Variants in ATXN1 observed in about 807,000 individuals in gnomAD.
The protein encoded by ATXN1 is ataxin-1.
A neutral mutation model predicts 56.4 loss-of-function variants in ATXN1; 8 were observed. The observed-to-expected ratio is 0.14, with a 90% confidence interval of 0.08 to 0.26. The LOEUF (loss-of-function observed/expected upper bound fraction) is 0.26. ATXN1 is among the 10% of genes least tolerant of loss of function. The pLI, the probability that ATXN1 is intolerant of heterozygous loss-of-function variation, is 1.00. For synonymous variants in ATXN1, 514 were observed against 494.6 expected, an observed-to-expected ratio of 1.04 and a Z score of -0.52; for missense variants, 987 against 1,106.5, an observed-to-expected ratio of 0.89 and a Z score of 1.53.
At chr6:16,489,253 T>A (rs1760610203) in intron 5 of ATXN1, among the ~76,000 whole-genome samples, 1 of 152,128 alleles carries the variant, frequency 6.6e-6, no homozygotes, top group Non-Finnish European at 1.5e-5. Flanking sequence ...AAATGATCCA[T>A]ATCCAAAACC....
chr6:16,713,929 G>T (rs768483270), intron 2 of ATXN1, among the ~76,000 whole-genome samples: 1 of 152,116 alleles, frequency 6.6e-6, no homozygotes, highest in African/African-American at 2.4e-5. Flanking sequence ...AGGCCAAAGC[G>T]GGTGGATCAC....
chr6:16,711,599 A>AACC (rs1554127671), intron 2 of ATXN1, among the ~76,000 whole-genome samples: 2 of 150,516 alleles, frequency 1.3e-5, no homozygotes, highest in South Asian at 2.1e-4. Context: ...AAAAAAAAAA[A>AACC]CCATCTATAT....
chr6:16,355,227 C>G (rs1001088073), intron 6 of ATXN1, among the ~76,000 whole-genome samples: 1 of 152,206 alleles, frequency 6.6e-6, no homozygotes, highest in Non-Finnish European at 1.5e-5. Context: ...CTTGGATGCC[C>G]ACAGATGCCG....
In ATXN1 at chr6:16,711,963, C is replaced by T. The variant is rs566962640; in HGVS notation, c.-615+41270G>A. 4.1e-5 allele frequency among the ~76,000 whole-genome samples: 4 copies of T among 96,690 alleles called. No homozygotes were observed. In the East Asian group the frequency reaches 1.5e-3, roughly 36 times the overall value. 63.4% of individuals were successfully genotyped at this position (96,690 alleles called of 152,430 possible). A position where few individuals can be genotyped will look rare whatever the true frequency, so the allele number is the denominator to read the frequency against. ...TATGCTGAACAAAAGAAAGCAGATA[C>T]GAAAAAGTACTGACTGATTCCATTT... On this transcript the variant is annotated intron_variant, in intron 2 of 7. Coordinates refer to ENST00000436367, the MANE Select transcript of ATXN1 (RefSeq NM_001128164.2).
At chr6:16,676,526 C>T (rs1037680740) in intron 2 of ATXN1, among the ~76,000 whole-genome samples, 2 of 152,040 alleles carry the variant, frequency 1.3e-5, no homozygotes, top group African/African-American at 4.8e-5. Flanking sequence ...TGTGCTAGGC[C>T]CTGAGGATAC....
At chr6:16,612,829 T>A (rs938133068) in intron 3 of ATXN1, among the ~76,000 whole-genome samples, 5 of 150,098 alleles carry the variant, frequency 3.3e-5, no homozygotes, top group Non-Finnish European at 7.4e-5. Context: ...AGGTGGAGGT[T>A]GCAGTGAGCC....
chr6:16,550,675 C>T (rs1253281944), intron 4 of ATXN1, among the ~76,000 whole-genome samples: 1 of 152,170 alleles, frequency 6.6e-6, no homozygotes, highest in Non-Finnish European at 1.5e-5. Context: ...CATGGACACA[C>T]AGCTAATAAA....
In ATXN1 at chr6:16,306,441, C is replaced by G. The variant is rs145990781; in HGVS notation, c.2336G>C (p.Ser779Thr). ...TRKRRWSAPE[S>T]RKLEKSEDEP... ...GTCTTCTGACTTCTCCAGTTTGCGG[C>G]TCTCTGGCGCCGACCACCTCCTCTT... The change falls in exon 8 of 8, where the codon AGC becomes ACC. Residue 779 changes from serine to threonine, a missense_variant. Transcript: ENST00000436367. The surrounding 1 kb of genome is among the most constrained non-coding windows in gnomAD (Gnocchi z 5.2). 4.2e-5 allele frequency: 67 copies of G among 1,614,174 alleles called. No homozygotes were observed. Among genetic ancestry groups the G allele is most frequent in the Non-Finnish European group, 5.2e-5 (61 of 1,180,038 alleles).
chr6:16,464,101 G>A (rs984983598), intron 6 of ATXN1, among the ~76,000 whole-genome samples: 3 of 152,164 alleles, frequency 2.0e-5, no homozygotes, highest in Non-Finnish European at 2.9e-5. Flanking sequence ...GTTTAGAGGG[G>A]GGATTGAGAG....
chr6:16,664,862 C>A (rs1281424980), intron 2 of ATXN1, among the ~76,000 whole-genome samples: 2 of 151,772 alleles, frequency 1.3e-5, no homozygotes, highest in African/African-American at 4.8e-5. Flanking sequence ...ATATTAGAAG[C>A]AAAATTGAGA....
intron 2 of ATXN1, among the ~76,000 whole-genome samples, chr6:16,678,683 T>G (rs1758735971): frequency 6.6e-6 from 1 of 152,144 alleles, no homozygotes; most frequent in Non-Finnish European, 1.5e-5. Context: ...CATATTAATT[T>G]CACCAAAAAA....
At chr6:16,387,625 C>T (rs2113516070) in intron 6 of ATXN1, among the ~76,000 whole-genome samples, 2 of 152,288 alleles carry the variant, frequency 1.3e-5, no homozygotes, top group Middle Eastern at 6.8e-3. Flanking sequence ...GTTGTGTTGT[C>T]ATGAGCGGGA....
intron 2 of ATXN1, among the ~76,000 whole-genome samples, chr6:16,701,783 T>A (rs934121723): frequency 6.6e-6 from 1 of 152,156 alleles, no homozygotes; most frequent in Non-Finnish European, 1.5e-5. Context: ...ACAAGGGATG[T>A]GAAGAACCCC....
chr6:16,498,384 G>A (rs529684431), intron 5 of ATXN1, among the ~76,000 whole-genome samples: 11 of 152,130 alleles, frequency 7.2e-5, no homozygotes, highest in South Asian at 2.1e-4. Flanking sequence ...TTATTTATTC[G>A]TCAGTTGATG....
At chr6:16,709,241 A>G (rs1260681379) in intron 2 of ATXN1, among the ~76,000 whole-genome samples, 1 of 152,318 alleles carries the variant, frequency 6.6e-6, no homozygotes, top group East Asian at 1.9e-4. Flanking sequence ...GGATATCACT[A>G]TAAATCCTAC....
At chr6:16,469,184 C>T (rs942039405) in intron 6 of ATXN1, among the ~76,000 whole-genome samples, 1 of 152,164 alleles carries the variant, frequency 6.6e-6, no homozygotes. Context: ...TGAAAGTTGT[C>T]TGTGACATTC....
intron 6 of ATXN1, among the ~76,000 whole-genome samples, chr6:16,430,256 C>A (rs1460348791): frequency 6.6e-6 from 1 of 151,448 alleles, no homozygotes; most frequent in African/African-American, 2.4e-5. Flanking sequence ...ATTTGGTCTT[C>A]CAGCAACTAT....
At chr6:16,404,698 G>A (rs1019584339) in intron 6 of ATXN1, among the ~76,000 whole-genome samples, 3 of 131,932 alleles carry the variant, frequency 2.3e-5, no homozygotes, top group East Asian at 2.1e-4. Flanking sequence ...GCGCACTCGC[G>A]CGCGCGCACA....
intron 2 of ATXN1, among the ~76,000 whole-genome samples, chr6:16,676,348 A>G (rs1031249314): frequency 1.3e-5 from 2 of 152,234 alleles, no homozygotes; most frequent in African/African-American, 4.8e-5. Context: ...ACTGAAGTAT[A>G]TAACACAGTT....
Sources: allele counts gnomAD v4.1 joint callset (sites outside exome capture counted in the v4.1 genomes callset), GRCh38; gene constraint gnomAD v4.1.1; non-coding constraint Gnocchi (gnomAD v3.1); transcripts MANE v1.5; gene names NCBI Gene and HGNC (gene_info 2026-07-23, HGNC 2026-07-21).